The following ZNF200 variants were observed in gnomAD, a reference collection of about 807,000 sequenced individuals.
The protein encoded by ZNF200 is zinc finger protein 200.
Under a neutral mutation model 33.6 loss-of-function variants are expected in ZNF200, and 35 were observed. The ratio of observed to expected loss-of-function variants is 1.04; its 90% CI spans 0.80 to 1.38. The LOEUF (loss-of-function observed/expected upper bound fraction) is 1.38. ZNF200 is among the 40% of genes most tolerant of loss of function. The pLI, the probability that ZNF200 is intolerant of heterozygous loss-of-function variation, is 0.00. For missense variants in ZNF200, 592 were observed against 470.6 expected (o/e 1.26, Z -2.39); for synonymous variants, 209 against 167.7 (o/e 1.25, Z -1.90).
intron 4 of ZNF200, among the ~76,000 whole-genome samples, chr16:3,228,428 A>G (rs192007390): frequency 1.3e-5 from 2 of 152,170 alleles, no homozygotes; most frequent in East Asian, 1.9e-4. Flanking sequence ...CAGTAACTAT[A>G]CAAGTAAACA....
At chr16:3,231,539 G>C (rs928840156) in intron 4 of ZNF200, among the ~76,000 whole-genome samples, 1 of 152,110 alleles carries the variant, frequency 6.6e-6, no homozygotes, top group African/African-American at 2.4e-5. Context: ...CTGCCTCTAG[G>C]GTTGCAACAT....
chr16:3,228,898 T>C (rs1415734156), intron 4 of ZNF200, among the ~76,000 whole-genome samples: 1 of 152,110 alleles, frequency 6.6e-6, no homozygotes, highest in Non-Finnish European at 1.5e-5. Context: ...AAATTGCATA[T>C]TTTTTCTAGA....
rs745503240 is a variant in ZNF200 at position 3,224,649 on chromosome 16, A to G, written c.467-36T>C. The G allele has an allele frequency of 3.2e-6, 5 of 1,541,222 alleles. No homozygotes were observed. The Admixed American group carries it at 1.0e-4, about 31-fold the overall frequency. ...GAGAGAATTTAACAACTTCTGAGAG[A>G]TATCACAACACCAGGCAGGAAAAAA... On this transcript the variant is annotated intron_variant, in intron 4 of 4. Coordinates refer to ENST00000414144, the MANE Select transcript of ZNF200 (RefSeq NM_198088.3).
Position 3,224,200 on chromosome 16 carries a change from T to C in ZNF200, c.880A>G (p.Asn294Asp), listed in dbSNP as rs1250033452. The C allele has an allele frequency of 1.2e-6, 2 of 1,614,218 alleles. No homozygotes were observed. The highest frequency in any genetic ancestry group is 1.7e-6 in the Non-Finnish European group (2 of 1,180,030). ...TGAATTCGCTCATGTTTATTGAGGTTTGTTTTATGATTGAAGCTTTTCCCA... is the reference window on the plus strand; with the variant it reads ...TGAATTCGCTCATGTTTATTGAGGTCTGTTTTATGATTGAAGCTTTTCCCA... ...HCGKSFNHKT[N>D]LNKHERIHTG... The change falls in exon 5 of 5, where the codon AAC (asparagine) becomes GAC (aspartate). Residue 294 changes from asparagine to aspartate, a missense_variant. Physicochemically the swap from Asn to Asp is conservative, Grantham distance 23 (BLOSUM62 1). Coordinates refer to ENST00000414144, the MANE Select transcript of ZNF200 (RefSeq NM_198088.3).
At position 3,223,859 on chromosome 16, in the gene ZNF200, C is replaced by G; in HGVS notation, c.*33G>C. ...ACTTATGAAAGCTCTCAGGTTGAGG[C>G]AGCACCATCAGACCCAGAAAGGGTT... On this transcript the variant is annotated 3_prime_UTR_variant, in exon 5 of 5. Coordinates refer to ENST00000414144, the MANE Select transcript of ZNF200 (RefSeq NM_198088.3). 6.4e-7 allele frequency: 1 copy of G among 1,567,130 alleles called. No individual in the cohort carries two copies. Among genetic ancestry groups the G allele is most frequent in the Non-Finnish European group, 8.6e-7 (1 of 1,158,674 alleles).
chr16:3,229,752 C>T (rs1293707373), intron 4 of ZNF200, among the ~76,000 whole-genome samples: 2 of 152,024 alleles, frequency 1.3e-5, no homozygotes, highest in Admixed American at 6.6e-5. Flanking sequence ...GTAGTCCCAG[C>T]TACTCGGGAG....
chr16:3,222,491 GA>G lies in ZNF200; in HGVS notation c.*1400del, dbSNP rs1245423774. 3.3e-5 allele frequency: 5 copies of G among 152,052 alleles called. No individual in the cohort carries two copies. Among genetic ancestry groups the G allele is most frequent in the Admixed American group, 6.6e-5 (1 of 15,264 alleles). 9.4% of individuals were successfully genotyped at this position (152,052 alleles called of 1,614,324 possible). On this transcript the variant is annotated 3_prime_UTR_variant, in exon 5 of 5. Transcript: ENST00000414144. ...AATAATCAACTATAAAAATATAATGGAAAAAACTACAATAACAAAATTGTGT... is the reference window on the plus strand; with the variant it reads ...AATAATCAACTATAAAAATATAATGGAAAAACTACAATAACAAAATTGTGT...
intron 4 of ZNF200, among the ~76,000 whole-genome samples, chr16:3,228,949 G>C (rs1019465791): frequency 6.6e-5 from 10 of 152,154 alleles, no homozygotes; most frequent in Middle Eastern, 3.4e-3. Flanking sequence ...TTCTGCATCT[G>C]AGGATTCAAC....
chr16:3,224,683 G>C (rs1958422920), intron 4 of ZNF200, 70 bp from the exon 5 acceptor site: 5 of 1,505,836 alleles, frequency 3.3e-6, no homozygotes, highest in Admixed American at 4.4e-5. Flanking sequence ...AACAAGTCAG[G>C]TTTCTTATGC....
intron 2 of ZNF200, 74 bp from the exon 3 acceptor site, chr16:3,232,995 C>T: frequency 1.5e-6 from 2 of 1,355,224 alleles, no homozygotes; most frequent in East Asian, 4.7e-5. Context: ...ACCGCGAGGC[C>T]AGGCTGTCCT....
rs1420495523 is a variant in ZNF200, at chr16:3,232,873, T to C, written c.299A>G (p.Glu100Gly). 6.2e-7 allele frequency: 1 copy of C among 1,613,764 alleles called. No homozygotes were observed. The highest frequency in any genetic ancestry group is 8.5e-7 in the Non-Finnish European group (1 of 1,179,860). The change falls in exon 3 of 5, where the codon GAA (glutamate) becomes GGA (glycine). Residue 100 changes from glutamate (E) to glycine (G), a missense_variant. Physicochemically the swap from Glu to Gly is moderately conservative, Grantham distance 98 (BLOSUM62 -2). Transcript: ENST00000414144. ...VKLLPKGVQK[E>G]QETVSLYLKA... is the part of the protein sequence containing the mutation. ...CAAATACAGAGACACTGTCTCTTGTTCCTTTTGGACTCCTTTGGGCAGAAG... is the reference window on the plus strand; with the variant it reads ...CAAATACAGAGACACTGTCTCTTGTCCCTTTTGGACTCCTTTGGGCAGAAG...
rs1202207332 is a variant in ZNF200 at position 3,232,481 on chromosome 16, T to G, written c.406A>C (p.Thr136Pro). Residue 136 changes from threonine (T) to proline (P), a missense_variant, in exon 4 of 5, where the codon ACT becomes CCT. Transcript: ENST00000414144. ...TCCTTCTCTGACGTGAGTTGTTGAGTAGGATCCAAGCTCACACATTCTTCC... is the reference window on the plus strand; with the variant it reads ...TCCTTCTCTGACGTGAGTTGTTGAGGAGGATCCAAGCTCACACATTCTTCC... ...CQEECVSLDPTQQLTSEKEDD... is the reference protein window; with the variant it reads ...CQEECVSLDPPQQLTSEKEDD... 1.2e-6 allele frequency: 2 copies of G among 1,614,078 alleles called. No individual in the cohort carries two copies. Among genetic ancestry groups the G allele is most frequent in the Admixed American group, 1.7e-5 (1 of 60,016 alleles).
Position 3,224,383 on chromosome 16 carries a change from T to G in ZNF200, c.697A>C (p.Lys233Gln). The change falls in exon 5 of 5, where the codon AAA becomes CAA. Residue 233 changes from lysine to glutamine, a missense_variant. Coordinates refer to ENST00000414144, the MANE Select transcript of ZNF200 (RefSeq NM_198088.3). ...ENDTPLEELSKYVDISIIALT... is the reference protein window; with the variant it reads ...ENDTPLEELSQYVDISIIALT... ...GCAATAATACTGATGTCTACATATT[T>G]TGAGAGTTCCTCTAGAGGAGTATCA... 6.2e-7 allele frequency: 1 copy of G among 1,614,216 alleles called. No individual in the cohort carries two copies. The highest frequency in any genetic ancestry group is 2.2e-5 in the East Asian group (1 of 44,886).
Position 3,223,822 on chromosome 16 carries a change from G to A in ZNF200, c.*70C>T, listed in dbSNP as rs1453814879. The stretch of plus-strand genomic sequence containing the variant: ...ATTTATACCTTTTTAGGCAGCTTGG[G>A]AATTCAGAACTACTTATGAAAGCTC... On this transcript the variant is annotated 3_prime_UTR_variant, in exon 5 of 5. Coordinates refer to ENST00000414144, the MANE Select transcript of ZNF200 (RefSeq NM_198088.3). The A allele has an allele frequency of 6.6e-7, 1 of 1,511,442 alleles. No individual in the cohort carries two copies. The highest frequency in any genetic ancestry group is 8.8e-7 in the Non-Finnish European group (1 of 1,134,460). The allele number at this position is 1,511,442 out of a possible 1,614,324, so 93.6% of individuals were successfully genotyped here.
chr16:3,226,657 AACT>A (rs1958481652), intron 4 of ZNF200: 1 of 152,186 alleles, frequency 6.6e-6, no homozygotes, highest in Admixed American at 6.5e-5. Flanking sequence ...CTTCCTCTTT[AACT>A]ACACTTGGAC....
Position 3,232,530 on chromosome 16 carries a change from C to T in ZNF200, c.357G>A (p.Glu119=). The T allele has an allele frequency of 6.2e-7, 1 of 1,613,902 alleles. No homozygotes were observed. The highest frequency in any genetic ancestry group is 8.5e-7 in the Non-Finnish European group (1 of 1,179,982). Residue 119 remains glutamate, a synonymous_variant, in exon 4 of 5, where the codon GAG becomes GAA. Transcript: ENST00000414144. ...CCTGGCAGTGAAATACATTCAAATC[C>T]TCAAAGACCACCAGCTCCTGAAAGA... ...KANPEELVVF[E]DLNVFHCQEE...
chr16:3,234,015 A>T (rs1485404095), intron 1 of ZNF200, 179 bp from the exon 2 acceptor site: 1 of 360,614 alleles, frequency 2.8e-6, no homozygotes, highest in Non-Finnish European at 4.9e-6. Flanking sequence ...TGAAAGGAAG[A>T]TCCTGAGAAT....
chr16:3,232,275 C>A (rs9927763), intron 4 of ZNF200, 146 bp downstream of exon 4: 80,419 of 996,442 alleles, frequency 0.081, 5,745 homozygotes, highest in South Asian at 0.29. Flanking sequence ...CAAGGCTCTG[C>A]TACATTGAAT....
intron 4 of ZNF200, among the ~76,000 whole-genome samples, chr16:3,229,764 C>G (rs1356932762): frequency 6.6e-6 from 1 of 151,974 alleles, no homozygotes; most frequent in African/African-American, 2.4e-5. Context: ...ACTCGGGAGG[C>G]TGAGGCAGGA....
Sources: allele counts gnomAD v4.1 joint callset (sites outside exome capture counted in the v4.1 genomes callset), GRCh38; gene constraint gnomAD v4.1.1; transcripts MANE v1.5; gene names NCBI Gene and HGNC (gene_info 2026-07-23, HGNC 2026-07-21).